Variants in AGBL4 observed in about 807,000 individuals in gnomAD.
AGBL4 encodes the protein cytosolic carboxypeptidase 6.
A neutral mutation model predicts 66.4 loss-of-function variants in AGBL4; 58 were observed. The observed-to-expected ratio is 0.87, with a 90% CI of 0.71 to 1.09. The LOEUF is 1.09. Among genes scored for constraint, AGBL4 ranks in the 50% least tolerant of loss-of-function variants. AGBL4 has a pLI of 0.00. For synonymous variants in AGBL4, 234 were observed against 222.9 expected (o/e 1.05, Z -0.44); for missense variants, 579 against 631.0 (o/e 0.92, Z 0.88).
At chr1:48,888,070 G>A (rs1650546661) in intron 5 of AGBL4, among the ~76,000 whole-genome samples, 2 of 152,146 alleles carry the variant, frequency 1.3e-5, no homozygotes, top group Admixed American at 1.3e-4. Flanking sequence ...CTGTGAGGAT[G>A]ACACACAGTT....
chr1:49,749,772 G>C (rs1273541435), intron 2 of AGBL4, among the ~76,000 whole-genome samples: 4 of 152,082 alleles, frequency 2.6e-5, no homozygotes, highest in Non-Finnish European at 1.5e-5. Flanking sequence ...TAAAATGGTA[G>C]TTCTCCCCAA....
Position 49,149,889 on chromosome 1 carries a change from T to C in AGBL4, c.377+95881A>G, listed in dbSNP as rs1243041709. On this transcript the variant is annotated intron_variant, in intron 4 of 13. Coordinates refer to ENST00000371839, the MANE Select transcript of AGBL4 (RefSeq NM_032785.4). ...AAAATTGTCTTCAGAAACTATGCAT[T>C]TGACAACAAAGAATATGAAAAGATG... 2.0e-5 allele frequency among the ~76,000 whole-genome samples: 3 copies of C among 152,188 alleles called. No individual in the cohort carries two copies. In the East Asian group the frequency reaches 5.8e-4, roughly 29 times the overall value.
At chr1:49,602,374 A>G (rs1015678430) in intron 3 of AGBL4, among the ~76,000 whole-genome samples, 1 of 152,164 alleles carries the variant, frequency 6.6e-6, no homozygotes, top group Admixed American at 6.5e-5. Context: ...AAATCATTCT[A>G]CTATAAAGAT....
In AGBL4 at chr1:49,045,786, G is replaced by T. The variant is rs552539998; in HGVS notation, c.392C>A (p.Pro131His). The T allele has an allele frequency of 2.9e-5, 45 of 1,551,026 alleles. 1 individual carries two copies. The East Asian group carries it at 3.4e-4, about 12-fold the overall frequency. Residue 131 changes from proline to histidine, a missense_variant, in exon 5 of 14, where the codon CCC becomes CAC. By Grantham distance (77) the Pro-to-His change is moderately conservative. Coordinates refer to ENST00000371839, the MANE Select transcript of AGBL4 (RefSeq NM_032785.4). ...TSRPKWQRLP[P>H]KNVYYYRCPD... ...GCAGCGGTAGTAGTAAACATTTTTGGGTGGCAGCCTTTGCCTAAAATATAT... is the reference window on the plus strand; with the variant it reads ...GCAGCGGTAGTAGTAAACATTTTTGTGTGGCAGCCTTTGCCTAAAATATAT...
At chr1:49,761,914 T>A (rs966920922) in intron 2 of AGBL4, among the ~76,000 whole-genome samples, 10 of 152,148 alleles carry the variant, frequency 6.6e-5, no homozygotes, top group African/African-American at 2.4e-4. Context: ...TCTATAATAG[T>A]TTTTTAAGGC....
intron 4 of AGBL4, among the ~76,000 whole-genome samples, chr1:49,105,165 C>G (rs1165121432): frequency 6.6e-6 from 1 of 152,136 alleles, no homozygotes; most frequent in Admixed American, 6.5e-5. Context: ...TTAATGTAAG[C>G]AAGTGCTGCC....
rs570400780 is a variant in AGBL4, at chr1:49,456,886, C to T, written c.283-211022G>A. ...ATAGTCTCCAATTCCATCTGGTTTG[C>T]TGTGAATACCACTATTTTGTTTCTT... On this transcript the variant is annotated intron_variant, in intron 3 of 13. Transcript: ENST00000371839. Among the ~76,000 whole-genome samples, 71 of 151,860 alleles carry T rather than the reference C, an allele frequency of 4.7e-4. 1 individual carries two copies. Among genetic ancestry groups the T allele is most frequent in the African/African-American group, 1.2e-3 (50 of 41,500 alleles).
chr1:49,220,133 G>A (rs946421426), intron 4 of AGBL4, among the ~76,000 whole-genome samples: 3 of 152,046 alleles, frequency 2.0e-5, no homozygotes, highest in Non-Finnish European at 2.9e-5. Flanking sequence ...ACAGATTTTT[G>A]TCTTACTGTC....
At chr1:49,723,776 T>C (rs1648791571) in intron 2 of AGBL4, among the ~76,000 whole-genome samples, 1 of 152,158 alleles carries the variant, frequency 6.6e-6, no homozygotes, top group Admixed American at 6.6e-5. Context: ...AGTCATAGTT[T>C]TAAAGCTGTG....
intron 5 of AGBL4, among the ~76,000 whole-genome samples, chr1:48,876,677 C>T (rs1014490148): frequency 3.3e-5 from 5 of 152,100 alleles, no homozygotes; most frequent in Non-Finnish European, 7.4e-5. Context: ...TCTTCATGTG[C>T]CACCCTCTGC....
At chr1:48,710,649 A>C (rs1646951752) in intron 6 of AGBL4, among the ~76,000 whole-genome samples, 1 of 152,166 alleles carries the variant, frequency 6.6e-6, no homozygotes, top group Non-Finnish European at 1.5e-5. Context: ...ACCTCCATTC[A>C]TTCTCCATCC....
chr1:49,395,816 CATATATATATATGT>C (rs1192794236), intron 3 of AGBL4, among the ~76,000 whole-genome samples: 1 of 108,962 alleles, frequency 9.2e-6, no homozygotes, highest in East Asian at 2.3e-4. Flanking sequence ...TATATGTATA[CATATATATATATGT>C]GTATATATAT....
At chr1:49,630,137 C>G (rs1015238149) in intron 3 of AGBL4, among the ~76,000 whole-genome samples, 2 of 152,092 alleles carry the variant, frequency 1.3e-5, no homozygotes, top group African/African-American at 2.4e-5. Flanking sequence ...TTATCATAAA[C>G]AGTATTGAGT....
chr1:49,294,711 T>C (rs1451712589), intron 3 of AGBL4, among the ~76,000 whole-genome samples: 1 of 152,214 alleles, frequency 6.6e-6, no homozygotes, highest in Non-Finnish European at 1.5e-5. Flanking sequence ...AACATAGCTC[T>C]AGAATGCTTT....
At chr1:48,963,777 A>G (rs1377466091) in intron 5 of AGBL4, among the ~76,000 whole-genome samples, 1 of 152,208 alleles carries the variant, frequency 6.6e-6, no homozygotes, top group Non-Finnish European at 1.5e-5. Context: ...ATTAAGGTCA[A>G]AAGGAGCTTA....
rs769209281 is a variant in AGBL4 at position 48,586,954 on chromosome 1, C to T, written c.1267+50G>A. On this transcript the variant is annotated intron_variant, in intron 11 of 13. Transcript: ENST00000371839. The stretch of plus-strand genomic sequence containing the variant: ...ATTCCTGACCTGTCAGACTTGGATA[C>T]TCTCGGCTGGATGAGGGCTGGCCCA... 4.4e-6 allele frequency: 7 copies of T among 1,605,192 alleles called. No individual in the cohort carries two copies. The Admixed American group carries it at 5.1e-5, about 12-fold the overall frequency.
At chr1:49,001,950 AAAGT>A (rs1396982738) in intron 5 of AGBL4, among the ~76,000 whole-genome samples, 1 of 152,234 alleles carries the variant, frequency 6.6e-6, no homozygotes, top group Non-Finnish European at 1.5e-5. Flanking sequence ...CTTCATCTGT[AAAGT>A]AAGATAATCG....
chr1:49,295,096 C>A (rs1218123870), intron 3 of AGBL4, among the ~76,000 whole-genome samples: 1 of 152,168 alleles, frequency 6.6e-6, no homozygotes, highest in Non-Finnish European at 1.5e-5. Flanking sequence ...GCATCCATGT[C>A]TTTGTTCTCA....
intron 6 of AGBL4, among the ~76,000 whole-genome samples, chr1:48,741,431 C>CCA (rs1649893728): frequency 6.6e-6 from 1 of 152,198 alleles, no homozygotes; most frequent in South Asian, 2.1e-4. Flanking sequence ...ACTTGTCATG[C>CCA]CACCTCTCCT....
Sources: gnomAD v4.1 joint callset for allele counts (sites outside exome capture counted in the v4.1 genomes callset) on GRCh38, gnomAD v4.1.1 for gene constraint, MANE v1.5 for transcripts, NCBI Gene and HGNC (gene_info 2026-07-23, HGNC 2026-07-21) for gene names.